DYNLT3: variants seen among roughly 807,000 people sequenced by gnomAD.
DYNLT3 encodes dynein light chain Tctex-type 3.
In DYNLT3, 4 loss-of-function variants were observed where a neutral mutation model predicts 11.0. That is an observed-to-expected ratio of 0.36 (90% CI 0.18 to 0.83). The LOEUF (loss-of-function observed/expected upper bound fraction) is 0.83, where lower values mean the gene tolerates loss of function less well. DYNLT3 is among the 40% of genes least tolerant of loss of function. The pLI, the probability that DYNLT3 is intolerant of heterozygous loss-of-function variation, is 0.47. For missense variants in DYNLT3, 91 were observed against 91.1 expected (o/e 1.00, Z 0.01); for synonymous variants, 37 against 31.2 (o/e 1.18, Z -0.61).
At chrX:37,843,790 A>C (rs1253483459) in intron 2 of DYNLT3, among the ~76,000 whole-genome samples, 1 of 111,808 alleles carries the variant, frequency 8.9e-6, no homozygotes, top group African/African-American at 3.3e-5. Context: ...AAGGAAAGAA[A>C]ATAAGATCAA....
At chrX:37,842,208 C>T (rs188356058) in intron 2 of DYNLT3, among the ~76,000 whole-genome samples, 43 of 110,672 alleles carry the variant, frequency 3.9e-4, no homozygotes, top group African/African-American at 1.3e-3. Context: ...TAAAAAAATT[C>T]GAATATCTAT....
At position 37,841,921 on chromosome X, in the gene DYNLT3, G is replaced by A. The variant is rs749333660; in HGVS notation, c.73-16C>T. 12 of 1,085,169 alleles carry A rather than the reference G, an allele frequency of 1.1e-5. No individual in the cohort carries two copies. The highest frequency in any genetic ancestry group is 1.3e-5 in the Non-Finnish European group (11 of 819,461). 89.4% of individuals were successfully genotyped at this position (1,085,169 alleles called of 1,213,427 possible). ...CATCTACACACTAAAAGGGCACAGAGGGCAGTTAATTTAGTCAGTAAAATT... is the reference window on the plus strand; with the variant it reads ...CATCTACACACTAAAAGGGCACAGAAGGCAGTTAATTTAGTCAGTAAAATT... On this transcript the variant is annotated splice_polypyrimidine_tract_variant and intron_variant, in intron 2 of 4. Transcript: ENST00000378578.
chrX:37,843,042 G>C (rs1930201778), intron 2 of DYNLT3, among the ~76,000 whole-genome samples: 1 of 111,572 alleles, frequency 9.0e-6, no homozygotes, highest in East Asian at 2.8e-4. Context: ...GATTTATGAA[G>C]GCACTAATAC....
chrX:37,846,928 A>T (rs1180663628), intron 1 of DYNLT3: 2 of 1,020,959 alleles, frequency 2.0e-6, no homozygotes, highest in Non-Finnish European at 2.7e-6. Flanking sequence ...CATCAATAAC[A>T]GGGAGATAAC....
chrX:37,847,124 G>A, intron 1 of DYNLT3: 2 of 1,155,153 alleles, frequency 1.7e-6, no homozygotes. Flanking sequence ...GGAAGCCAAG[G>A]GACGGAGGCA....
chrX:37,840,505 T>C lies in DYNLT3; in HGVS notation c.*70A>G. 1 of 987,411 alleles carries C rather than the reference T, an allele frequency of 1.0e-6. No homozygotes were observed. Among genetic ancestry groups the C allele is most frequent in the Non-Finnish European group, 1.4e-6 (1 of 726,155 alleles). 81.4% of individuals were successfully genotyped at this position (987,411 alleles called of 1,213,427 possible). ...CATCTAGCACACTAGTAAACAACTA[T>C]TACTCTTTTTGGAAAGGATACACTG... On this transcript the variant is annotated 3_prime_UTR_variant, in exon 5 of 5. Coordinates refer to ENST00000378578, the MANE Select transcript of DYNLT3 (RefSeq NM_006520.3).
In DYNLT3 at chrX:37,847,544, C is replaced by A. The variant is rs1257678266; in HGVS notation, c.-34G>T. 1.0e-6 allele frequency: 1 copy of A among 962,258 alleles called. No individual in the cohort carries two copies. The highest frequency in any genetic ancestry group is 1.3e-6 in the Non-Finnish European group (1 of 765,459). The allele number at this position is 962,258 out of a possible 1,213,427, so 79.3% of individuals were successfully genotyped here. A position where few individuals can be genotyped will look rare whatever the true frequency, so the allele number is the denominator to read the frequency against. On this transcript the variant is annotated 5_prime_UTR_variant, in exon 1 of 5. Coordinates refer to ENST00000378578, the MANE Select transcript of DYNLT3 (RefSeq NM_006520.3). ...CGGCTCTCCCTGGGGCGGAGCGACA[C>A]GCCGGTAGAGCACCGCGGCCGCGCA...
At position 37,839,362 on chromosome X, in the gene DYNLT3, C is replaced by G. The variant is rs1930098838; in HGVS notation, c.*1213G>C. 8.9e-6 allele frequency: 1 copy of G among 111,907 alleles called. No homozygotes were observed. Among genetic ancestry groups the G allele is most frequent in the South Asian group, 3.7e-4 (1 of 2,686 alleles). 9.2% of individuals were successfully genotyped at this position (111,907 alleles called of 1,213,427 possible). On this transcript the variant is annotated 3_prime_UTR_variant, in exon 5 of 5. Transcript: ENST00000378578. ...TGTACCCTAATTTTTCATCTATTTT[C>G]TTAATAAATTTAATTACATTTCATA...
chrX:37,847,328 G>A, intron 1 of DYNLT3, 153 bp downstream of exon 1: 1 of 899,840 alleles, frequency 1.1e-6, no homozygotes, highest in Non-Finnish European at 1.5e-6. Context: ...GGGTCGGGCG[G>A]GGCGGATCCC....
At chrX:37,843,517 C>T in intron 2 of DYNLT3, among the ~76,000 whole-genome samples, 1 of 112,248 alleles carries the variant, frequency 8.9e-6, no homozygotes, top group Non-Finnish European at 1.9e-5. Flanking sequence ...CAGTGCTAAA[C>T]TCAGGACCTG....
chrX:37,839,616 T>TATA lies in DYNLT3; in HGVS notation c.*956_*958dup, dbSNP rs1930103171. On this transcript the variant is annotated 3_prime_UTR_variant, in exon 5 of 5. Transcript: ENST00000378578. ...TAGGAGCAACTCTTAAAATTACATC[T>TATA]ATAATTCTGTCAGAAAGCAATAAGT... The TATA allele has an allele frequency of 8.9e-6, 1 of 112,644 alleles. No individual in the cohort carries two copies. Among genetic ancestry groups the TATA allele is most frequent in the Non-Finnish European group, 1.9e-5 (1 of 53,234 alleles). 9.3% of individuals were successfully genotyped at this position (112,644 alleles called of 1,213,427 possible).
Position 37,841,843 on chromosome X carries a change from T to A in DYNLT3, c.135A>T (p.Ala45=). 1 of 1,170,327 alleles carries A rather than the reference T, an allele frequency of 8.5e-7. No homozygotes were observed. Among genetic ancestry groups the A allele is most frequent in the Non-Finnish European group, 1.2e-6 (1 of 867,527 alleles). Residue 45 remains alanine, a synonymous_variant, in exon 3 of 5, where the codon GCA becomes GCT. Transcript: ENST00000378578. ...GTGTTAAGGATTGTTCCACTATGCT[T>A]GCAGTCCACTGGTTGATGTTGTTGT... is the stretch of plus-strand genomic sequence containing the variant. ...YNHNNINQWT[A]SIVEQSLTHL... is the part of the protein sequence containing the mutation.
rs943468420 is a variant in DYNLT3, at chrX:37,840,905, C to G, written c.274+123G>C. On this transcript the variant is annotated intron_variant, in intron 4 of 4. Transcript: ENST00000378578. ...CTGAAGGTATACTTGTTACTAGGTA[C>G]AAAGCAATACTGTTGATAGTCTTTT... is the stretch of plus-strand genomic sequence containing the variant. 9.5e-6 allele frequency: 7 copies of G among 734,222 alleles called. No homozygotes were observed. The East Asian group carries it at 2.0e-4, about 21-fold the overall frequency. The allele number at this position is 734,222 out of a possible 1,213,427, so 60.5% of individuals were successfully genotyped here.
At chrX:37,840,931 C>T in intron 4 of DYNLT3, 97 bp downstream of exon 4, 1 of 906,139 alleles carries the variant, frequency 1.1e-6, no homozygotes, top group Middle Eastern at 3.4e-4. Flanking sequence ...ATAGTCTTTT[C>T]AGAATTTAAT....
At chrX:37,847,326 C>A in intron 1 of DYNLT3, 155 bp downstream of exon 1, 2 of 890,166 alleles carry the variant, frequency 2.2e-6, no homozygotes, top group Non-Finnish European at 2.9e-6. Flanking sequence ...ACGGGTCGGG[C>A]GGGGCGGATC....
At chrX:37,847,049 CG>C in intron 1 of DYNLT3, 1 of 1,166,339 alleles carries the variant, frequency 8.6e-7, no homozygotes, top group Non-Finnish European at 1.1e-6. Context: ...TTACCGGGAG[CG>C]GGAATGGCAG....
chrX:37,847,564 C>T lies in DYNLT3; in HGVS notation c.-54G>A. ...CGACACGCCGGTAGAGCACCGCGGCCGCGCACTGGCCTCCGGGGAGGCCCC... is the reference window on the plus strand; with the variant it reads ...CGACACGCCGGTAGAGCACCGCGGCTGCGCACTGGCCTCCGGGGAGGCCCC... On this transcript the variant is annotated 5_prime_UTR_variant, in exon 1 of 5. Transcript: ENST00000378578. 1 of 951,778 alleles carries T rather than the reference C, an allele frequency of 1.1e-6. No homozygotes were observed. Among genetic ancestry groups the T allele is most frequent in the Non-Finnish European group, 1.3e-6 (1 of 757,428 alleles). The allele number at this position is 951,778 out of a possible 1,213,427, so 78.4% of individuals were successfully genotyped here.
At chrX:37,845,424 G>C (rs1246852568) in intron 2 of DYNLT3, among the ~76,000 whole-genome samples, 1 of 111,469 alleles carries the variant, frequency 9.0e-6, no homozygotes, top group Non-Finnish European at 1.9e-5. Context: ...AATTCCCAAA[G>C]GTAATTTCTT....
intron 2 of DYNLT3, 30 bp from the exon 3 acceptor site, chrX:37,841,935 G>C: frequency 9.3e-7 from 1 of 1,072,380 alleles, no homozygotes; most frequent in Non-Finnish European, 1.2e-6. Context: ...AGTTAATTTA[G>C]TCAGTAAAAT....
Sources: allele counts gnomAD v4.1 joint callset (sites outside exome capture counted in the v4.1 genomes callset), GRCh38; gene constraint gnomAD v4.1.1; transcripts MANE v1.5; gene names NCBI Gene and HGNC (gene_info 2026-07-23, HGNC 2026-07-21).